Variants in SESN1 observed in about 807,000 individuals in gnomAD.
SESN1 encodes sestrin-1.
A neutral mutation model predicts 59.3 loss-of-function variants in SESN1; 30 were observed. The observed-to-expected ratio is 0.51, with a 90% CI of 0.38 to 0.69. SESN1 has a LOEUF of 0.69. SESN1 is among the 30% of genes least tolerant of loss of function. SESN1 has a pLI of 0.00. For missense variants in SESN1, 566 were observed against 673.0 expected, an observed-to-expected ratio of 0.84 and a Z score of 1.76; for synonymous variants, 197 against 219.9, an observed-to-expected ratio of 0.90 and a Z score of 0.92.
intron 1 of SESN1, among the ~76,000 whole-genome samples, chr6:109,053,845 T>C (rs1004881349): frequency 8.5e-5 from 13 of 152,230 alleles, no homozygotes; most frequent in African/African-American, 3.1e-4. Flanking sequence ...GTATGCATAC[T>C]TCAGGAATTT....
chr6:109,053,727 G>C (rs893386695), intron 1 of SESN1, among the ~76,000 whole-genome samples: 1 of 152,118 alleles, frequency 6.6e-6, no homozygotes, highest in African/African-American at 2.4e-5. Context: ...AACACTTAAG[G>C]GAAAGAAAAT....
In SESN1 at chr6:109,021,578, C is replaced by T. The variant is rs959813329; in HGVS notation, c.280-19235G>A. 1.7e-4 allele frequency among the ~76,000 whole-genome samples: 26 copies of T among 151,980 alleles called. 1 individual carries two copies. Among genetic ancestry groups the T allele is most frequent in the African/African-American group, 5.8e-4 (24 of 41,366 alleles). On this transcript the variant is annotated intron_variant, in intron 1 of 9. Coordinates refer to ENST00000436639, the MANE Select transcript of SESN1 (RefSeq NM_014454.3). Reference sequence around the variant, plus strand: ...TCAGCCTCGCAATTAGCTGGGACTACGGATGCCTGCCACCAAGCCTGGCTA... The same window carrying T: ...TCAGCCTCGCAATTAGCTGGGACTATGGATGCCTGCCACCAAGCCTGGCTA...
At chr6:109,011,156 G>C (rs1255913495) in intron 1 of SESN1, among the ~76,000 whole-genome samples, 2 of 152,144 alleles carry the variant, frequency 1.3e-5, no homozygotes, top group African/African-American at 4.8e-5. Flanking sequence ...TCTAATGAGA[G>C]GCAAGGGAAA....
intron 1 of SESN1, among the ~76,000 whole-genome samples, chr6:109,003,901 T>C (rs957944857): frequency 3.9e-5 from 6 of 152,224 alleles, no homozygotes; most frequent in Admixed American, 6.5e-5. Context: ...ATTTATCCCC[T>C]CTAATTTCTT....
At chr6:109,077,639 C>T (rs1446130851) in intron 1 of SESN1, among the ~76,000 whole-genome samples, 1 of 152,196 alleles carries the variant, frequency 6.6e-6, no homozygotes, top group Non-Finnish European at 1.5e-5. Context: ...CCTTTGGGAA[C>T]CCTGGGGTCC....
intron 1 of SESN1, among the ~76,000 whole-genome samples, chr6:109,028,407 T>TTTG (rs1216068242): frequency 2.0e-5 from 3 of 152,158 alleles, no homozygotes; most frequent in South Asian, 2.1e-4. Flanking sequence ...ATGGGGCTAA[T>TTTG]TTGTTGTTGT....
intron 5 of SESN1, 89 bp from the exon 6 acceptor site, chr6:108,994,698 C>CTT (rs11395949): frequency 0.015 from 4,469 of 291,304 alleles, 26 homozygotes; most frequent in African/African-American, 0.025. Context: ...GAATTTATAT[C>CTT]TTTTTTTTTT....
chr6:109,001,969 G>A (rs1276617746), intron 2 of SESN1, among the ~76,000 whole-genome samples: 1 of 152,202 alleles, frequency 6.6e-6, no homozygotes, highest in Non-Finnish European at 1.5e-5. Context: ...TCAAGACTAA[G>A]TAACTCAGGT....
chr6:109,059,096 T>TACACACACACACACACACAC (rs373238799), intron 1 of SESN1, among the ~76,000 whole-genome samples: 56 of 149,816 alleles, frequency 3.7e-4, no homozygotes, highest in African/African-American at 1.3e-3. Flanking sequence ...TATCACTTCA[T>TACACACACACACACACACAC]ACACACACAC....
At chr6:109,016,308 C>T (rs961127449) in intron 1 of SESN1, among the ~76,000 whole-genome samples, 2 of 152,200 alleles carry the variant, frequency 1.3e-5, no homozygotes, top group African/African-American at 4.8e-5. Context: ...CCTCCCCACC[C>T]TATGATTATT....
chr6:109,052,510 TA>T (rs1024992044), intron 1 of SESN1, among the ~76,000 whole-genome samples: 2 of 152,216 alleles, frequency 1.3e-5, no homozygotes, highest in African/African-American at 4.8e-5. Context: ...AAACATTACT[TA>T]AAATAGTTTA....
chr6:109,041,415 C>T (rs1224739526), intron 1 of SESN1, among the ~76,000 whole-genome samples: 1 of 152,168 alleles, frequency 6.6e-6, no homozygotes, highest in Non-Finnish European at 1.5e-5. Flanking sequence ...ACCAAACATA[C>T]TTGTACAAGT....
At chr6:108,996,511 T>TTAAAAAATA (rs1181925054) in intron 5 of SESN1, among the ~76,000 whole-genome samples, 12 of 152,196 alleles carry the variant, frequency 7.9e-5, no homozygotes, top group African/African-American at 2.7e-4. Context: ...CCTATTCTCC[T>TTAAAAAATA]CTTAAAGAGC....
At chr6:109,076,580 T>C (rs1345190827) in intron 1 of SESN1, among the ~76,000 whole-genome samples, 1 of 152,040 alleles carries the variant, frequency 6.6e-6, no homozygotes, top group Admixed American at 6.6e-5. Context: ...CACTGACAGA[T>C]GGCGCAAGGA....
intron 1 of SESN1, among the ~76,000 whole-genome samples, chr6:109,056,259 TA>T (rs1242691764): frequency 1.3e-5 from 2 of 152,080 alleles, no homozygotes; most frequent in Admixed American, 6.5e-5. Context: ...ATTTAAAAAT[TA>T]GCGAGGCATG....
intron 1 of SESN1, among the ~76,000 whole-genome samples, chr6:109,025,039 C>T (rs996547039): frequency 1.3e-5 from 2 of 152,006 alleles, no homozygotes; most frequent in Non-Finnish European, 2.9e-5. Flanking sequence ...CCCCAGGGAC[C>T]TAGAGCAGCA....
chr6:109,060,490 C>T (rs1176291812), intron 1 of SESN1, among the ~76,000 whole-genome samples: 1 of 152,084 alleles, frequency 6.6e-6, no homozygotes, highest in Non-Finnish European at 1.5e-5. Flanking sequence ...TAGTTCAGTA[C>T]TGTGCAGTTT....
chr6:109,090,741 A>G (rs1781299096), intron 1 of SESN1: 1 of 152,210 alleles, frequency 6.6e-6, no homozygotes, highest in Non-Finnish European at 1.5e-5. Flanking sequence ...GAGAGGCAGA[A>G]GAGGCAGGCA....
intron 6 of SESN1, 55 bp from the exon 7 acceptor site, chr6:108,992,954 A>G: frequency 8.5e-7 from 1 of 1,176,322 alleles, no homozygotes; most frequent in East Asian, 2.4e-5. Context: ...GTTAAAATTG[A>G]TTTTACCCAA....
Sources: gnomAD v4.1 joint callset for allele counts (sites outside exome capture counted in the v4.1 genomes callset) on GRCh38, gnomAD v4.1.1 for gene constraint, MANE v1.5 for transcripts, NCBI Gene and HGNC (gene_info 2026-07-23, HGNC 2026-07-21) for gene names.